PTPRT: variants seen among roughly 807,000 people sequenced by gnomAD.
PTPRT encodes the protein receptor-type tyrosine-protein phosphatase T.
PTPRT carries 56 observed loss-of-function variants against 176.8 expected under a neutral mutation model. That is an observed-to-expected ratio of 0.32 (90% CI 0.26 to 0.40). The LOEUF is 0.40. Ranked by LOEUF, PTPRT falls within the 10% of genes least tolerant of loss-of-function variation. The pLI is 1.00. For synonymous variants in PTPRT, 783 were observed against 739.0 expected, an observed-to-expected ratio of 1.06 and a Z score of -0.96; for missense variants, 1,540 against 1,908.2, an observed-to-expected ratio of 0.81 and a Z score of 3.60.
intron 4 of PTPRT, among the ~76,000 whole-genome samples, chr20:42,779,650 T>A (rs2077186012): frequency 6.6e-6 from 1 of 152,138 alleles, no homozygotes; most frequent in African/African-American, 2.4e-5. Context: ...GGCAAAGAAG[T>A]AGATGGGTAT....
At chr20:42,184,486 C>T (rs942060043) in intron 16 of PTPRT, among the ~76,000 whole-genome samples, 51 of 145,864 alleles carry the variant, frequency 3.5e-4, no homozygotes, top group African/African-American at 1.2e-3. Flanking sequence ...CCTTTCTTCC[C>T]TCCTTCCTCC....
intron 15 of PTPRT, among the ~76,000 whole-genome samples, chr20:42,216,958 G>T (rs61465910): frequency 1.3e-5 from 2 of 152,130 alleles, no homozygotes; most frequent in African/African-American, 4.8e-5. Context: ...TTTCATTTCC[G>T]AGTTCCTAGG....
intron 7 of PTPRT, among the ~76,000 whole-genome samples, chr20:42,567,570 G>C (rs922028733): frequency 6.6e-6 from 1 of 152,230 alleles, no homozygotes. Context: ...CCACATTGAA[G>C]TCTTCCTTGA....
intron 1 of PTPRT, among the ~76,000 whole-genome samples, chr20:42,895,732 C>G (rs1442108438): frequency 1.3e-5 from 2 of 152,132 alleles, no homozygotes; most frequent in Non-Finnish European, 2.9e-5. Flanking sequence ...TCACATGTCC[C>G]AAAATAGTAT....
intron 1 of PTPRT, among the ~76,000 whole-genome samples, chr20:43,049,770 G>T (rs1366344075): frequency 6.6e-6 from 1 of 152,142 alleles, no homozygotes; most frequent in East Asian, 1.9e-4. Context: ...ATATGCTTTA[G>T]TTAACAGCAT....
chr20:42,803,840 C>T (rs550405356), intron 2 of PTPRT, among the ~76,000 whole-genome samples: 13 of 152,210 alleles, frequency 8.5e-5, no homozygotes, highest in Non-Finnish European at 1.8e-4. Context: ...AGGCGTGAAC[C>T]ACCGCGCCTG....
At chr20:42,894,756 C>T (rs2079263792) in intron 1 of PTPRT, among the ~76,000 whole-genome samples, 1 of 152,212 alleles carries the variant, frequency 6.6e-6, no homozygotes, top group Non-Finnish European at 1.5e-5. Flanking sequence ...CTTCTGCCCC[C>T]ATTCACTGCC....
chr20:42,843,101 T>C (rs946214334), intron 2 of PTPRT, among the ~76,000 whole-genome samples: 1 of 152,200 alleles, frequency 6.6e-6, no homozygotes, highest in South Asian at 2.1e-4. Flanking sequence ...TAAATAAGCA[T>C]GTGGATTATA....
At position 42,681,820 on chromosome 20, in the gene PTPRT, G is replaced by A. The variant is rs117236854; in HGVS notation, c.860-3661C>T. 1.6e-3 allele frequency among the ~76,000 whole-genome samples: 249 copies of A among 152,262 alleles called. 1 individual carries two copies. Among genetic ancestry groups the A allele is most frequent in the Admixed American group, 2.4e-3 (37 of 15,296 alleles). ...GTAAGAGCTTATGGATCCATAAAGG[G>A]ATACACATATACACAATGGAACGCT... is the stretch of plus-strand genomic sequence containing the variant. On this transcript the variant is annotated intron_variant, in intron 6 of 30. Transcript: ENST00000373187.
rs181757800 is a variant in PTPRT, at chr20:42,421,894, G to C, written c.1560+26326C>G. On this transcript the variant is annotated intron_variant, in intron 9 of 30. Coordinates refer to ENST00000373187, the MANE Select transcript of PTPRT (RefSeq NM_007050.6). ...AACAGAATAGAGAACCCAGATATAAGACCACACACCTACAACTACATGATC... is the reference window on the plus strand; with the variant it reads ...AACAGAATAGAGAACCCAGATATAACACCACACACCTACAACTACATGATC... Among the ~76,000 whole-genome samples, 38 of 152,020 alleles carry C rather than the reference G, an allele frequency of 2.5e-4. No homozygotes were observed. The East Asian group carries it at 5.8e-3, about 23-fold the overall frequency.
intron 7 of PTPRT, among the ~76,000 whole-genome samples, chr20:42,609,787 C>A (rs1446934575): frequency 6.6e-6 from 1 of 152,210 alleles, no homozygotes; most frequent in East Asian, 1.9e-4. Context: ...GATCAGCTGA[C>A]CCCCACTCCC....
chr20:42,174,974 CAGA>C (rs1314171023), intron 16 of PTPRT, among the ~76,000 whole-genome samples: 2 of 152,166 alleles, frequency 1.3e-5, no homozygotes, highest in Admixed American at 6.5e-5. Context: ...GTTAATACAA[CAGA>C]AGAAGAGATA....
chr20:42,338,036 G>A (rs1423211189), intron 11 of PTPRT, among the ~76,000 whole-genome samples: 1 of 152,124 alleles, frequency 6.6e-6, no homozygotes, highest in Non-Finnish European at 1.5e-5. Flanking sequence ...TTTTCCATCT[G>A]CCTGGAGCCT....
At chr20:42,830,789 C>G (rs1192684566) in intron 2 of PTPRT, among the ~76,000 whole-genome samples, 3 of 152,144 alleles carry the variant, frequency 2.0e-5, no homozygotes, top group Non-Finnish European at 2.9e-5. Context: ...CAATACCATT[C>G]ACAATTGCCA....
chr20:42,100,072 C>T (rs1397102148), intron 26 of PTPRT, among the ~76,000 whole-genome samples: 1 of 152,124 alleles, frequency 6.6e-6, no homozygotes, highest in Admixed American at 6.5e-5. Flanking sequence ...ACTCTGACCC[C>T]GAGGACCTCA....
intron 7 of PTPRT, among the ~76,000 whole-genome samples, chr20:42,643,834 C>T (rs912177765): frequency 6.6e-6 from 1 of 151,614 alleles, no homozygotes; most frequent in African/African-American, 2.4e-5. Context: ...AGCATAATGC[C>T]TCTATGGACC....
chr20:42,283,842 C>T (rs1388103500), intron 12 of PTPRT, among the ~76,000 whole-genome samples: 4 of 152,028 alleles, frequency 2.6e-5, no homozygotes, highest in South Asian at 2.1e-4. Context: ...ACAATGTCTA[C>T]GGCAGATTCT....
At chr20:43,187,212 T>C (rs1467076911) in intron 1 of PTPRT, among the ~76,000 whole-genome samples, 1 of 152,212 alleles carries the variant, frequency 6.6e-6, no homozygotes, top group Non-Finnish European at 1.5e-5. Context: ...ACCTTATAAA[T>C]TGAAATTGCT....
intron 1 of PTPRT, among the ~76,000 whole-genome samples, chr20:42,964,043 G>A (rs1982155280): frequency 6.6e-6 from 1 of 152,034 alleles, no homozygotes; most frequent in Non-Finnish European, 1.5e-5. Flanking sequence ...TCAAAAACAG[G>A]CAGTAGGTTG....
Sources: allele counts gnomAD v4.1 joint callset (sites outside exome capture counted in the v4.1 genomes callset), GRCh38; gene constraint gnomAD v4.1.1; transcripts MANE v1.5; gene names NCBI Gene and HGNC (gene_info 2026-07-23, HGNC 2026-07-21).